ANKRD29: variants seen among roughly 807,000 people sequenced by gnomAD.
ANKRD29 encodes ankyrin repeat domain-containing protein 29.
ANKRD29 carries 32 observed loss-of-function variants against 38.0 expected under a neutral mutation model. The ratio of observed to expected loss-of-function variants is 0.84; its 90% confidence interval spans 0.64 to 1.13. The LOEUF (loss-of-function observed/expected upper bound fraction) is 1.13. Among genes scored for constraint, ANKRD29 ranks in the 50% most tolerant of loss-of-function variants. The pLI is 0.00. For synonymous variants in ANKRD29, 135 were observed against 152.4 expected (o/e 0.89, Z 0.84); for missense variants, 357 against 377.9 (o/e 0.94, Z 0.46).
intron 8 of ANKRD29, 21 bp downstream of exon 8, chr18:23,617,711 A>C (rs1227929756): frequency 1.2e-6 from 2 of 1,602,682 alleles, no homozygotes; most frequent in African/African-American, 1.3e-5. Flanking sequence ...CAGATTAGTA[A>C]AATTTATCTT....
At chr18:23,638,001 T>TTTTTC (rs2060024552) in intron 4 of ANKRD29, among the ~76,000 whole-genome samples, 1 of 141,200 alleles carries the variant, frequency 7.1e-6, no homozygotes, top group African/African-American at 2.7e-5. Flanking sequence ...CTTCTTTTTT[T>TTTTTC]TTTTTTTTTT....
At chr18:23,634,845 C>T (rs965273774) in intron 4 of ANKRD29, among the ~76,000 whole-genome samples, 1 of 152,212 alleles carries the variant, frequency 6.6e-6, no homozygotes, top group Non-Finnish European at 1.5e-5. Flanking sequence ...CCCAGGGCTT[C>T]TAGCCAGAGA....
At chr18:23,639,108 C>T (rs978947792) in intron 3 of ANKRD29, among the ~76,000 whole-genome samples, 161 bp from the exon 4 acceptor site, 15 of 152,140 alleles carry the variant, frequency 9.9e-5, no homozygotes, top group Admixed American at 9.8e-4. Flanking sequence ...AGAGAAGTGA[C>T]AAAAGGAAAG....
At chr18:23,638,636 A>G (rs1397071064) in intron 4 of ANKRD29, among the ~76,000 whole-genome samples, 1 of 152,224 alleles carries the variant, frequency 6.6e-6, no homozygotes, top group Non-Finnish European at 1.5e-5. Flanking sequence ...AAATTTTCCA[A>G]TTGTGAGCCC....
At chr18:23,605,637 C>T (rs895909138) in intron 9 of ANKRD29, among the ~76,000 whole-genome samples, 3 of 152,094 alleles carry the variant, frequency 2.0e-5, no homozygotes, top group African/African-American at 2.4e-5. Flanking sequence ...AGCAATTCTC[C>T]TGCCTCAACC....
chr18:23,611,271 T>C (rs2059638420), intron 9 of ANKRD29, among the ~76,000 whole-genome samples: 1 of 152,134 alleles, frequency 6.6e-6, no homozygotes, highest in Admixed American at 6.5e-5. Context: ...ATGGGAATGG[T>C]GATAAACTAC....
intron 3 of ANKRD29, among the ~76,000 whole-genome samples, chr18:23,640,725 A>G (rs2060062708): frequency 6.6e-6 from 1 of 152,196 alleles, no homozygotes; most frequent in Non-Finnish European, 1.5e-5. Flanking sequence ...ATAATGAACC[A>G]TTCTTGTGGG....
rs749423528 is a variant in ANKRD29 at position 23,649,100 on chromosome 18, C to A, written c.115G>T (p.Val39Leu). ...CACCGTACGCTGTCTCTGCAGTCCA[C>A]GTCCACCCGGCCGCTGTTCAACAGC... ...KLLLNSGRVD[V>L]DCRDSHGTTL... Residue 39 changes from valine (V) to leucine (L), a missense_variant, in exon 2 of 10, where the codon GTG becomes TTG. By Grantham distance (32) the Val-to-Leu change is conservative. Coordinates refer to ENST00000592179, the MANE Select transcript of ANKRD29 (RefSeq NM_173505.4). 3 of 1,614,122 alleles carry A rather than the reference C, an allele frequency of 1.9e-6. No homozygotes were observed. The East Asian group carries it at 6.7e-5, about 36-fold the overall frequency.
At chr18:23,653,425 A>G (rs1423144157) in intron 1 of ANKRD29, among the ~76,000 whole-genome samples, 1 of 151,878 alleles carries the variant, frequency 6.6e-6, no homozygotes, top group Admixed American at 6.6e-5. Flanking sequence ...TAATTTTTGT[A>G]TTATTAGTAG....
chr18:23,634,364 AC>A (rs2059976701), intron 4 of ANKRD29, among the ~76,000 whole-genome samples: 1 of 136,856 alleles, frequency 7.3e-6, no homozygotes. Flanking sequence ...ATCTTGGCTC[AC>A]TGCAATCTCC....
At position 23,612,167 on chromosome 18, in the gene ANKRD29, T is replaced by TG. The variant is rs780677645; in HGVS notation, c.746dup (p.Ala250SerfsTer8). ...TTTTAATGTTTCCACTGAGCACTGC[T>TG]GCATGGAGCGCTGATGTCCCATTCT... On this transcript the variant is annotated frameshift_variant, in exon 9 of 10. Coordinates refer to ENST00000592179, the MANE Select transcript of ANKRD29 (RefSeq NM_173505.4). LOFTEE classifies it high-confidence loss of function. The TG allele has an allele frequency of 2.1e-4, 335 of 1,613,870 alleles. No individual in the cohort carries two copies. Among genetic ancestry groups the TG allele is most frequent in the Non-Finnish European group, 2.5e-4 (296 of 1,179,974 alleles).
At chr18:23,622,545 T>C (rs1034617184) in intron 6 of ANKRD29, among the ~76,000 whole-genome samples, 16 of 152,116 alleles carry the variant, frequency 1.1e-4, no homozygotes, top group Admixed American at 2.0e-4. Flanking sequence ...AGGTGCTATA[T>C]TGTGAAAAAT....
intron 6 of ANKRD29, among the ~76,000 whole-genome samples, chr18:23,625,248 T>C (rs887814761): frequency 2.6e-5 from 4 of 151,894 alleles, no homozygotes; most frequent in African/African-American, 9.7e-5. Context: ...GCCCAGCAAA[T>C]GGGTCTGTAA....
chr18:23,617,242 A>G (rs1599078525), intron 8 of ANKRD29, among the ~76,000 whole-genome samples: 1 of 152,234 alleles, frequency 6.6e-6, no homozygotes, highest in East Asian at 1.9e-4. Context: ...AACAAAACAA[A>G]AAGATCAAAA....
intron 4 of ANKRD29, among the ~76,000 whole-genome samples, chr18:23,637,806 G>C (rs767527244): frequency 6.6e-6 from 1 of 152,010 alleles, no homozygotes; most frequent in Non-Finnish European, 1.5e-5. Context: ...TCCAACTTGC[G>C]CACATTTTCA....
At chr18:23,623,671 C>T (rs1426482275) in intron 6 of ANKRD29, among the ~76,000 whole-genome samples, 16 of 151,546 alleles carry the variant, frequency 1.1e-4, no homozygotes, top group African/African-American at 3.9e-4. Context: ...GAGACGGAGT[C>T]TTGCTCTGTC....
chr18:23,636,432 T>C (rs1045563237), intron 4 of ANKRD29, among the ~76,000 whole-genome samples: 6 of 151,990 alleles, frequency 3.9e-5, no homozygotes, highest in Admixed American at 2.6e-4. Flanking sequence ...TGACTAATTT[T>C]TTAAAAAATG....
intron 1 of ANKRD29, among the ~76,000 whole-genome samples, chr18:23,653,663 G>A (rs767124651): frequency 7.3e-5 from 11 of 149,728 alleles, no homozygotes; most frequent in Non-Finnish European, 1.5e-4. Context: ...GTCTCGATCC[G>A]TTGCCCAGGC....
At chr18:23,646,071 G>A in intron 3 of ANKRD29, 118 bp downstream of exon 3, 1 of 886,228 alleles carries the variant, frequency 1.1e-6, no homozygotes, top group South Asian at 1.6e-5. Context: ...ACTCTGCAAT[G>A]GGCTTTAATG....
Sources: allele counts gnomAD v4.1 joint callset (sites outside exome capture counted in the v4.1 genomes callset), GRCh38; gene constraint gnomAD v4.1.1; transcripts MANE v1.5; gene names NCBI Gene and HGNC (gene_info 2026-07-23, HGNC 2026-07-21).